Variants in AUTS2 observed in about 807,000 individuals in gnomAD.
AUTS2 encodes activator of transcription and developmental regulator AUTS2.
A neutral mutation model predicts 112.4 loss-of-function variants in AUTS2; 17 were observed. The ratio of observed to expected loss-of-function variants is 0.15; its 90% CI spans 0.10 to 0.23. The LOEUF is 0.23. Ranked by LOEUF, AUTS2 falls within the 10% of genes least tolerant of loss-of-function variation. The pLI, the probability that AUTS2 is intolerant of heterozygous loss-of-function variation, is 1.00. For synonymous variants in AUTS2, 751 were observed against 702.7 expected, an observed-to-expected ratio of 1.07 and a Z score of -1.09; for missense variants, 1,510 against 1,701.6, an observed-to-expected ratio of 0.89 and a Z score of 1.98.
intron 5 of AUTS2, among the ~76,000 whole-genome samples, chr7:70,635,463 G>GC (rs1181707367): frequency 6.6e-6 from 1 of 152,180 alleles, no homozygotes; most frequent in East Asian, 1.9e-4. Context: ...CCTCCCCACA[G>GC]CCCGTCCCAG....
At chr7:70,190,652 A>G (rs1238205464) in intron 4 of AUTS2, among the ~76,000 whole-genome samples, 2 of 152,168 alleles carry the variant, frequency 1.3e-5, no homozygotes, top group Non-Finnish European at 2.9e-5. Flanking sequence ...TACTATAGAA[A>G]TGGGCATCTG....
Position 70,613,231 on chromosome 7 carries a change from GTGTGTGTGTC to G in AUTS2, c.691-85328_691-85319del, listed in dbSNP as rs199804586. On this transcript the variant is annotated intron_variant, in intron 5 of 18. Coordinates refer to ENST00000342771, the MANE Select transcript of AUTS2 (RefSeq NM_015570.4). ...TGGAGAGGCATATATATACATATATGTGTGTGTGTCTGTGTGTGTGTGTGTGTGTGTGTGT... is the reference window on the plus strand; with the variant it reads ...TGGAGAGGCATATATATACATATATGTGTGTGTGTGTGTGTGTGTGTGTGT... Among the ~76,000 whole-genome samples, 520 of 122,478 alleles carry G rather than the reference GTGTGTGTGTC, an allele frequency of 4.2e-3. 9 individuals are homozygous for G. The East Asian group carries it at 0.055, about 13-fold the overall frequency. 80.4% of individuals were successfully genotyped at this position (122,478 alleles called of 152,430 possible).
chr7:70,238,416 A>G (rs1378511271), intron 4 of AUTS2, among the ~76,000 whole-genome samples: 2 of 152,160 alleles, frequency 1.3e-5, no homozygotes, highest in African/African-American at 4.8e-5. Flanking sequence ...TGCCCTGTGC[A>G]TCTGTCATGT....
At chr7:69,814,581 C>T (rs1031504816) in intron 1 of AUTS2, among the ~76,000 whole-genome samples, 1 of 152,236 alleles carries the variant, frequency 6.6e-6, no homozygotes, top group Non-Finnish European at 1.5e-5. Context: ...AGTCTGGAGC[C>T]GCTCTAACCC....
rs570965019 is a variant in AUTS2, at chr7:70,284,481, G to A, written c.660+149910G>A. Reference sequence around the variant, plus strand: ...ATCTGTTCACCAATACAGGATATCAGCCATCTCCCACCCCACCCCATCTTT... The same window carrying A: ...ATCTGTTCACCAATACAGGATATCAACCATCTCCCACCCCACCCCATCTTT... On this transcript the variant is annotated intron_variant, in intron 4 of 18. Coordinates refer to ENST00000342771, the MANE Select transcript of AUTS2 (RefSeq NM_015570.4). 4.6e-5 allele frequency among the ~76,000 whole-genome samples: 7 copies of A among 152,146 alleles called. No individual in the cohort carries two copies. In the South Asian group the frequency reaches 1.0e-3, roughly 23 times the overall value.
At chr7:70,727,151 C>T (rs934770336) in intron 6 of AUTS2, among the ~76,000 whole-genome samples, 41 of 152,200 alleles carry the variant, frequency 2.7e-4, no homozygotes, top group African/African-American at 9.7e-4. Context: ...CACCCCACCT[C>T]GTGGGAATTC....
At chr7:70,017,060 C>T (rs1313980940) in intron 2 of AUTS2, among the ~76,000 whole-genome samples, 1 of 152,176 alleles carries the variant, frequency 6.6e-6, no homozygotes. Context: ...GTGATGAAGA[C>T]TAAGCCAGTA....
intron 1 of AUTS2, among the ~76,000 whole-genome samples, chr7:69,611,791 G>A (rs1043728856): frequency 5.3e-5 from 8 of 151,142 alleles, no homozygotes; most frequent in African/African-American, 1.5e-4. Flanking sequence ...TTAGCCGGGC[G>A]CGGTGGCAGG....
intron 4 of AUTS2, among the ~76,000 whole-genome samples, chr7:70,214,257 A>G (rs1035582657): frequency 6.6e-6 from 1 of 152,184 alleles, no homozygotes; most frequent in Non-Finnish European, 1.5e-5. Context: ...ATGTGACTAT[A>G]TTAGTATCTC....
At chr7:69,987,412 ACC>A (rs1798556268) in intron 2 of AUTS2, among the ~76,000 whole-genome samples, 2 of 152,104 alleles carry the variant, frequency 1.3e-5, no homozygotes, top group African/African-American at 4.8e-5. Context: ...ATATTAAATA[ACC>A]TCTTGAGTGT....
intron 4 of AUTS2, among the ~76,000 whole-genome samples, chr7:70,181,687 C>G (rs749042829): frequency 2.6e-5 from 4 of 151,356 alleles, no homozygotes; most frequent in Non-Finnish European, 5.9e-5. Flanking sequence ...CGGGGTTTCA[C>G]CATGTTGGCC....
chr7:69,671,486 GGT>G (rs201047003), intron 1 of AUTS2, among the ~76,000 whole-genome samples: 3,656 of 138,580 alleles, frequency 0.026, 69 homozygotes, highest in African/African-American at 0.051. Flanking sequence ...TGCTGCTGCT[GGT>G]GTGTGTGTGT....
At chr7:70,215,988 G>A (rs1345699336) in intron 4 of AUTS2, among the ~76,000 whole-genome samples, 2 of 152,160 alleles carry the variant, frequency 1.3e-5, no homozygotes, top group Non-Finnish European at 2.9e-5. Context: ...TTGGCCCATT[G>A]AGAATCTGAC....
intron 1 of AUTS2, among the ~76,000 whole-genome samples, chr7:69,816,060 C>A (rs1252303698): frequency 6.6e-6 from 1 of 152,154 alleles, no homozygotes; most frequent in African/African-American, 2.4e-5. Context: ...ACAGGCCAAG[C>A]CTTTTGCCTC....
At chr7:70,667,278 A>G (rs1295729856) in intron 5 of AUTS2, among the ~76,000 whole-genome samples, 1 of 152,198 alleles carries the variant, frequency 6.6e-6, no homozygotes, top group Non-Finnish European at 1.5e-5. Context: ...TAATGCATTT[A>G]TTATAATACA....
intron 2 of AUTS2, among the ~76,000 whole-genome samples, chr7:69,972,419 T>G (rs1797884970): frequency 6.6e-6 from 1 of 152,210 alleles, no homozygotes; most frequent in South Asian, 2.1e-4. Context: ...ATTCATCCTC[T>G]TTCAGAGTCT....
chr7:69,733,538 C>T (rs181446761), intron 1 of AUTS2, among the ~76,000 whole-genome samples: 4 of 152,198 alleles, frequency 2.6e-5, no homozygotes, highest in African/African-American at 9.6e-5. Context: ...CAAGGGCATA[C>T]GTTGGCATCA....
chr7:70,516,009 G>A (rs191922375), intron 5 of AUTS2, among the ~76,000 whole-genome samples: 93 of 152,222 alleles, frequency 6.1e-4, no homozygotes, highest in African/African-American at 2.0e-3. Context: ...CTTCATTTCT[G>A]CCCTGCTCTA....
At chr7:70,690,480 G>A (rs1808699919) in intron 5 of AUTS2, among the ~76,000 whole-genome samples, 3 of 152,266 alleles carry the variant, frequency 2.0e-5, no homozygotes, top group Non-Finnish European at 2.9e-5. Context: ...CAGCACATGC[G>A]CTGTTAGAGT....
Sources: allele counts gnomAD v4.1 joint callset (sites outside exome capture counted in the v4.1 genomes callset), GRCh38; gene constraint gnomAD v4.1.1; transcripts MANE v1.5; gene names NCBI Gene and HGNC (gene_info 2026-07-23, HGNC 2026-07-21).